ADCY2: variants seen among roughly 807,000 people sequenced by gnomAD.
ADCY2 encodes adenylate cyclase type 2.
A neutral mutation model predicts 125.2 loss-of-function variants in ADCY2; 31 were observed. That is an observed-to-expected ratio of 0.25 (90% confidence interval 0.19 to 0.33). The LOEUF is 0.33. ADCY2 is among the 10% of genes least tolerant of loss of function. The pLI is 1.00. For missense variants in ADCY2, 904 were observed against 1,418.2 expected, an observed-to-expected ratio of 0.64 and a Z score of 5.82; for synonymous variants, 512 against 548.4, an observed-to-expected ratio of 0.93 and a Z score of 0.93.
intron 14 of ADCY2, among the ~76,000 whole-genome samples, chr5:7,741,698 C>T (rs56089453): frequency 3.9e-4 from 1 of 2,560 alleles, no homozygotes; most frequent in Non-Finnish European, 8.5e-4. Context: ...ACCATCATCA[C>T]CATAACCATC....
At chr5:7,548,052 G>A (rs746770867) in intron 3 of ADCY2, among the ~76,000 whole-genome samples, 4 of 152,310 alleles carry the variant, frequency 2.6e-5, no homozygotes, top group Non-Finnish European at 4.4e-5. Context: ...AGCTGAAACT[G>A]CTGCTGCTTC....
chr5:7,589,479 AAAGAAAGAAAG>A (rs1468586299), intron 3 of ADCY2, among the ~76,000 whole-genome samples: 11 of 60,408 alleles, frequency 1.8e-4, no homozygotes, highest in African/African-American at 4.0e-4. Flanking sequence ...AGAAAGAAAG[AAAGAAAGAAAG>A]AAAGAAAGAA....
At chr5:7,719,412 CTT>C (rs1216029146) in intron 12 of ADCY2, among the ~76,000 whole-genome samples, 1 of 152,164 alleles carries the variant, frequency 6.6e-6, no homozygotes, top group Non-Finnish European at 1.5e-5. Flanking sequence ...CTCAGTTACA[CTT>C]TGTTATGCCT....
At chr5:7,400,521 C>A (rs1350207361) in intron 1 of ADCY2, among the ~76,000 whole-genome samples, 1 of 152,154 alleles carries the variant, frequency 6.6e-6, no homozygotes, top group Admixed American at 6.5e-5. Flanking sequence ...TTTGTAGAGG[C>A]CAACCAACTT....
chr5:7,598,645 G>A (rs1737092055), intron 3 of ADCY2, among the ~76,000 whole-genome samples: 1 of 152,226 alleles, frequency 6.6e-6, no homozygotes, highest in African/African-American at 2.4e-5. Context: ...GGGCTGCTAG[G>A]TGTGGGTGCT....
intron 18 of ADCY2, among the ~76,000 whole-genome samples, chr5:7,775,175 T>TTC (rs369059755): frequency 1.4e-5 from 2 of 146,154 alleles, no homozygotes; most frequent in Admixed American, 6.9e-5. Flanking sequence ...CCCAGCTACT[T>TTC]TGTGTGTGTG....
intron 4 of ADCY2, among the ~76,000 whole-genome samples, chr5:7,642,724 A>G (rs1301239002): frequency 6.6e-6 from 1 of 152,200 alleles, no homozygotes; most frequent in East Asian, 1.9e-4. Flanking sequence ...GAAAAAGATC[A>G]GATCATGTAC....
At chr5:7,428,790 T>C (rs1740481449) in intron 2 of ADCY2, among the ~76,000 whole-genome samples, 1 of 152,160 alleles carries the variant, frequency 6.6e-6, no homozygotes, top group Admixed American at 6.5e-5. Flanking sequence ...GGTCAAAGGA[T>C]ACTATGGGAA....
intron 12 of ADCY2, 119 bp from the exon 13 acceptor site, chr5:7,724,423 TTTA>T: frequency 2.8e-6 from 2 of 726,034 alleles, no homozygotes; most frequent in Non-Finnish European, 2.3e-6. Context: ...TTTTTTTTTT[TTTA>T]AATGCTGTTC....
intron 22 of ADCY2, among the ~76,000 whole-genome samples, chr5:7,811,266 G>T (rs575505091): frequency 6.6e-6 from 1 of 152,114 alleles, no homozygotes; most frequent in African/African-American, 2.4e-5. Flanking sequence ...ATTTTGAGGG[G>T]CCAAGGCGGG....
At chr5:7,473,723 G>T (rs1742421881) in intron 2 of ADCY2, among the ~76,000 whole-genome samples, 1 of 152,146 alleles carries the variant, frequency 6.6e-6, no homozygotes. Context: ...CCTTTCTGCA[G>T]TGGTAGGCAT....
intron 4 of ADCY2, among the ~76,000 whole-genome samples, chr5:7,675,285 T>C (rs1439588101): frequency 6.6e-6 from 1 of 152,228 alleles, no homozygotes; most frequent in Non-Finnish European, 1.5e-5. Flanking sequence ...TTCATATCTT[T>C]ATGGTTATCA....
At chr5:7,451,138 A>T (rs1318852985) in intron 2 of ADCY2, among the ~76,000 whole-genome samples, 1 of 152,242 alleles carries the variant, frequency 6.6e-6, no homozygotes, top group Non-Finnish European at 1.5e-5. Context: ...TTCAAGTCTT[A>T]TTACTTCAGA....
intron 3 of ADCY2, among the ~76,000 whole-genome samples, chr5:7,586,896 A>T (rs560303012): frequency 6.6e-6 from 1 of 152,224 alleles, no homozygotes; most frequent in Non-Finnish European, 1.5e-5. Context: ...ATCCCTTCAG[A>T]TCTCTATTTG....
intron 7 of ADCY2, among the ~76,000 whole-genome samples, chr5:7,702,908 A>G (rs1367272230): frequency 6.6e-6 from 1 of 152,194 alleles, no homozygotes; most frequent in Non-Finnish European, 1.5e-5. Context: ...TGACTTTTTA[A>G]TGATCGCCAT....
At chr5:7,783,720 A>G (rs760422977) in intron 18 of ADCY2, among the ~76,000 whole-genome samples, 4 of 152,146 alleles carry the variant, frequency 2.6e-5, no homozygotes, top group African/African-American at 4.8e-5. Context: ...GTGGGTGCTC[A>G]CTGCCTGGAA....
intron 20 of ADCY2, chr5:7,796,569 A>G (rs1172074347): frequency 6.6e-6 from 1 of 152,236 alleles, no homozygotes; most frequent in African/African-American, 2.4e-5. Flanking sequence ...TCATAGGCCT[A>G]TGCTCGGGCT....
intron 4 of ADCY2, among the ~76,000 whole-genome samples, chr5:7,630,243 G>C (rs1224255104): frequency 6.6e-6 from 1 of 152,070 alleles, no homozygotes; most frequent in East Asian, 1.9e-4. Context: ...AGTGATCCTT[G>C]GGTGGTCATG....
At chr5:7,546,897 T>C (rs947494348) in intron 3 of ADCY2, among the ~76,000 whole-genome samples, 4 of 152,170 alleles carry the variant, frequency 2.6e-5, no homozygotes, top group African/African-American at 9.7e-5. Context: ...GAAACCTTAC[T>C]TTATGGCCCA....
Sources: gnomAD v4.1 joint callset for allele counts (sites outside exome capture counted in the v4.1 genomes callset) on GRCh38, gnomAD v4.1.1 for gene constraint, MANE v1.5 for transcripts, NCBI Gene and HGNC (gene_info 2026-07-23, HGNC 2026-07-21) for gene names.